SLC49A3: variants seen among roughly 807,000 people sequenced by gnomAD.
SLC49A3 encodes the protein solute carrier family 49 member 3.
SLC49A3 carries 50 observed loss-of-function variants against 43.8 expected under a neutral mutation model. The observed-to-expected ratio is 1.14, with a 90% CI of 0.91 to 1.45. The LOEUF (loss-of-function observed/expected upper bound fraction) is 1.45. Among genes scored for constraint, SLC49A3 ranks in the 40% most tolerant of loss-of-function variants. The probability of loss-of-function intolerance (pLI) is 0.00; values close to 1 mark genes in which losing one functional copy is unlikely to be tolerated. For missense variants in SLC49A3, 906 were observed against 774.1 expected, an observed-to-expected ratio of 1.17 and a Z score of -2.02; for synonymous variants, 413 against 352.0, an observed-to-expected ratio of 1.17 and a Z score of -1.94.
intron 1 of SLC49A3, 92 bp from the exon 2 acceptor site, chr4:686,782 C>T (rs1741129272): frequency 6.7e-7 from 1 of 1,493,694 alleles, no homozygotes; most frequent in African/African-American, 1.4e-5. Context: ...AGAGTGCCAG[C>T]AGCCCCGTGA....
At chr4:681,171 C>G (rs777350526), downstream of SLC49A3, 5 of 1,593,668 alleles carry the variant, frequency 3.1e-6, no homozygotes, top group Non-Finnish European at 4.3e-6. Context: ...GCCAAGCCCA[C>G]GAGGGGAGGG....
rs758512330 is a variant in SLC49A3, at chr4:683,269, C to T, written c.1092G>A (p.Ala364=). The change falls in exon 8 of 10, where the codon GCG becomes GCA. Residue 364 remains alanine (A), a synonymous_variant. Coordinates refer to ENST00000322224, the MANE Select transcript of SLC49A3 (RefSeq NM_032219.4). ...FSVGPVAMEL[A]VECSFPVGEG... Reference sequence around the variant, plus strand: ...CCCCCACGGGGAAGGAACACTCGACCGCCAACTCCATGGCCACGGGGCCCA... The same window carrying T: ...CCCCCACGGGGAAGGAACACTCGACTGCCAACTCCATGGCCACGGGGCCCA... 55 of 1,612,670 alleles carry T rather than the reference C, an allele frequency of 3.4e-5. No individual in the cohort carries two copies. Among genetic ancestry groups the T allele is most frequent in the Middle Eastern group, 1.6e-4 (1 of 6,082 alleles).
chr4:677,099 G>A (rs1738917855), downstream of SLC49A3, among the ~76,000 whole-genome samples: 1 of 152,208 alleles, frequency 6.6e-6, no homozygotes, highest in South Asian at 2.1e-4. Context: ...CACTGCCCCT[G>A]CAGCACCGAG....
chr4:680,684 C>A, downstream of SLC49A3: 1 of 1,225,678 alleles, frequency 8.2e-7, no homozygotes, highest in Non-Finnish European at 1.2e-6. Flanking sequence ...ATGCCACGCC[C>A]ACCTCCCCAC....
chr4:682,325 G>A lies in SLC49A3; in HGVS notation c.1313C>T (p.Ala438Val), dbSNP rs1259266641. The A allele has an allele frequency of 1.1e-5, 15 of 1,348,474 alleles. No homozygotes were observed. The highest frequency in any genetic ancestry group is 1.2e-5 in the Non-Finnish European group (12 of 1,040,132). 83.5% of individuals were successfully genotyped at this position (1,348,474 alleles called of 1,614,324 possible). Residue 438 changes from alanine (A) to valine (V), a missense_variant, in exon 10 of 10, where the codon GCG (alanine) becomes GTG (valine). Coordinates refer to ENST00000322224, the MANE Select transcript of SLC49A3 (RefSeq NM_032219.4). Reference protein sequence around the residue: ...GLCTFFSCILAVFFHTPYRRL... With the variant: ...GLCTFFSCILVVFFHTPYRRL... ...CCGGTATGGGGTGTGGAAGAAGACC[G>A]CCAGGATGCAGCTGAAGAAGGTGCA...
intron 1 of SLC49A3, among the ~76,000 whole-genome samples, chr4:687,725 G>A (rs1024809348): frequency 3.3e-5 from 5 of 152,138 alleles, no homozygotes; most frequent in African/African-American, 7.2e-5. Flanking sequence ...GCCTGCGCTC[G>A]CCCCCTTGGG....
In SLC49A3 at chr4:685,637, C is replaced by T. The variant is rs544054240; in HGVS notation, c.585+198G>A. ...AGGGGAATTGCTTAAACCCAGTAGGCGGAGGTTGCAGTGAGCCGAGATCGC... is the reference window on the plus strand; with the variant it reads ...AGGGGAATTGCTTAAACCCAGTAGGTGGAGGTTGCAGTGAGCCGAGATCGC... On this transcript the variant is annotated intron_variant, in intron 4 of 9. Transcript: ENST00000322224. This position sits in a 1 kb window ranked among gnomAD's most constrained non-coding sequence, Gnocchi z 4.3. 4.3e-4 allele frequency among the ~76,000 whole-genome samples: 65 copies of T among 152,114 alleles called. No homozygotes were observed. The highest frequency in any genetic ancestry group is 1.5e-3 in the African/African-American group (62 of 41,486).
At chr4:686,878 C>T (rs1312709075) in intron 1 of SLC49A3, among the ~76,000 whole-genome samples, 188 bp from the exon 2 acceptor site, 2 of 152,222 alleles carry the variant, frequency 1.3e-5, no homozygotes, top group Admixed American at 1.3e-4. Flanking sequence ...GGGCACCCAG[C>T]GCAGGGTCAG....
At chr4:686,786 C>T in intron 1 of SLC49A3, 96 bp from the exon 2 acceptor site, 1 of 1,464,686 alleles carries the variant, frequency 6.8e-7, no homozygotes, top group Non-Finnish European at 9.2e-7. Flanking sequence ...TGCCAGCAGC[C>T]CCGTGAGGCC....
chr4:676,981 C>T (rs1043934693), downstream of SLC49A3: 1 of 965,026 alleles, frequency 1.0e-6, no homozygotes. Context: ...GGGGGTAGGA[C>T]CTCTGCTCAA....
chr4:681,826 C>T (rs1303536161), downstream of SLC49A3: 9 of 1,273,290 alleles, frequency 7.1e-6, no homozygotes, highest in Admixed American at 1.1e-4. Flanking sequence ...CACCCGGGGC[C>T]GCTGCAGGTG....
Position 682,165 on chromosome 4 carries a change from G to T in SLC49A3, c.1473C>A (p.Cys491Ter), listed in dbSNP as rs767026997. 3.0e-6 allele frequency: 4 copies of T among 1,348,918 alleles called. No individual in the cohort carries two copies. Among genetic ancestry groups the T allele is most frequent in the Non-Finnish European group, 2.9e-6 (3 of 1,038,882 alleles). The allele number at this position is 1,348,918 out of a possible 1,614,324, so 83.6% of individuals were successfully genotyped here. ...CCTCTAGCGAGGCCCCCCTCGCCGT[G>T]CACTCCGGAGTCGCCGTGCTGGGCC... ...VLGPSTATPE[C>*]TARGASLEDP... The change falls in exon 10 of 10, where the codon TGC becomes TGA. Residue 491 changes from cysteine (C) to a stop codon, truncating the protein, a stop_gained. Transcript: ENST00000322224. LOFTEE classifies it low-confidence loss of function (END_TRUNC).
chr4:682,263 G>C lies in SLC49A3; in HGVS notation c.1375C>G (p.Arg459Gly), dbSNP rs574250059. ...QAESGEPPST[R>G]NAVGGADSGP... ...GAGTCTGCGCCGCCCACGGCGTTACGGGTGGAGGGGGGCTCCCCAGACTCG... is the reference window on the plus strand; with the variant it reads ...GAGTCTGCGCCGCCCACGGCGTTACCGGTGGAGGGGGGCTCCCCAGACTCG... The change falls in exon 10 of 10, where the codon CGT becomes GGT. Residue 459 changes from arginine (R) to glycine (G), a missense_variant. Physicochemically the swap from Arg to Gly is moderately radical, Grantham distance 125. Coordinates refer to ENST00000322224, the MANE Select transcript of SLC49A3 (RefSeq NM_032219.4). The C allele has an allele frequency of 1.9e-5, 26 of 1,375,724 alleles. No individual in the cohort carries two copies. The African/African-American group carries it at 3.6e-4, about 19-fold the overall frequency. The allele number at this position is 1,375,724 out of a possible 1,614,324, so 85.2% of individuals were successfully genotyped here. A position where few individuals can be genotyped will look rare whatever the true frequency, so the allele number is the denominator to read the frequency against.
intron 4 of SLC49A3, 28 bp from the exon 5 acceptor site, chr4:684,884 G>T: frequency 6.2e-7 from 1 of 1,603,160 alleles, no homozygotes; most frequent in Non-Finnish European, 8.5e-7. Context: ...TGCACAAGGA[G>T]ACCACGCAGA....
At chr4:677,334 A>G (rs755581402), downstream of SLC49A3, among the ~76,000 whole-genome samples, 6 of 151,962 alleles carry the variant, frequency 3.9e-5, no homozygotes, top group Non-Finnish European at 8.8e-5. Context: ...CCTACCCCAG[A>G]CTCTGTGCCT....
chr4:684,343 G>A (rs531298156), intron 6 of SLC49A3, 140 bp downstream of exon 6: 72 of 1,184,382 alleles, frequency 6.1e-5, no homozygotes, highest in Admixed American at 2.9e-4. Flanking sequence ...AGGGCATCTC[G>A]GGAGGGCCCA....
Position 685,799 on chromosome 4 carries a change from A to G in SLC49A3, c.585+36T>C. 2 of 1,610,096 alleles carry G rather than the reference A, an allele frequency of 1.2e-6. No individual in the cohort carries two copies. Among genetic ancestry groups the G allele is most frequent in the Non-Finnish European group, 1.7e-6 (2 of 1,176,622 alleles). ...ACACAGACGTGCATGCGCACACACC[A>G]CACAGACCAGGCACGGGCGTCTCAT... is the stretch of plus-strand genomic sequence containing the variant. On this transcript the variant is annotated intron_variant, in intron 4 of 9. Transcript: ENST00000322224. This position sits in a 1 kb window ranked among gnomAD's most constrained non-coding sequence, Gnocchi z 4.3.
At chr4:678,556 G>A (rs569176909), downstream of SLC49A3, 1 of 1,491,508 alleles carries the variant, frequency 6.7e-7, no homozygotes, top group African/African-American at 1.4e-5. Flanking sequence ...CCGAAGGGCT[G>A]AGGTCCACCC....
Position 689,145 on chromosome 4 carries a change from G to A in SLC49A3, c.-18C>T. The A allele has an allele frequency of 1.5e-6, 2 of 1,310,026 alleles. No homozygotes were observed. Among genetic ancestry groups the A allele is most frequent in the Non-Finnish European group, 1.9e-6 (2 of 1,035,150 alleles). 81.2% of individuals were successfully genotyped at this position (1,310,026 alleles called of 1,614,324 possible). ...CCCGCCATCGTCGGCGGCCTCCACG[G>A]GTCTCCGCCGGTCCCGCCGGCCGCC... is the stretch of plus-strand genomic sequence containing the variant. On this transcript the variant is annotated 5_prime_UTR_variant, in exon 1 of 10. Transcript: ENST00000322224.
Sources: gnomAD v4.1 joint callset for allele counts (sites outside exome capture counted in the v4.1 genomes callset) on GRCh38, gnomAD v4.1.1 for gene constraint, Gnocchi (gnomAD v3.1) non-coding constraint, MANE v1.5 for transcripts, NCBI Gene and HGNC (gene_info 2026-07-23, HGNC 2026-07-21) for gene names.